Variants in ACADM observed in about 807,000 individuals in gnomAD.
ACADM encodes acyl-CoA dehydrogenase medium chain.
A neutral mutation model predicts 58.9 loss-of-function variants in ACADM; 49 were observed. The observed-to-expected ratio is 0.83, with a 90% CI of 0.66 to 1.06. ACADM has a LOEUF of 1.06. Among genes scored for constraint, ACADM ranks in the 50% least tolerant of loss-of-function variants. The pLI, the probability that ACADM is intolerant of heterozygous loss-of-function variation, is 0.00. For synonymous variants in ACADM, 160 were observed against 157.7 expected, an observed-to-expected ratio of 1.01 and a Z score of -0.11; for missense variants, 496 against 507.0, an observed-to-expected ratio of 0.98 and a Z score of 0.21.
At chr1:75,758,362 C>T (rs912945371) in intron 10 of ACADM, among the ~76,000 whole-genome samples, 82 of 152,160 alleles carry the variant, frequency 5.4e-4, no homozygotes, top group African/African-American at 1.8e-3. Flanking sequence ...TGAGCCACCA[C>T]GCCCAGCCAG....
chr1:75,742,193 A>G (rs1320490941), intron 7 of ACADM, among the ~76,000 whole-genome samples: 2 of 150,654 alleles, frequency 1.3e-5, no homozygotes, highest in Non-Finnish European at 3.0e-5. Context: ...TCAAGATACA[A>G]AAAGGCACTC....
chr1:75,739,454 C>T (rs1308512729), intron 6 of ACADM, among the ~76,000 whole-genome samples: 5 of 152,144 alleles, frequency 3.3e-5, no homozygotes, highest in African/African-American at 4.8e-5. Flanking sequence ...AACATTTTCA[C>T]TTTTTATTAA....
At position 75,761,189 on chromosome 1, in the gene ACADM, A is replaced by G; in HGVS notation, c.1013A>G (p.Gln338Arg). The G allele has an allele frequency of 1.2e-6, 2 of 1,614,180 alleles. No homozygotes were observed. Among genetic ancestry groups the G allele is most frequent in the Non-Finnish European group, 8.5e-7 (1 of 1,179,988 alleles). Reference protein sequence around the residue: ...MKVELARMSYQRAAWEVDSGR... With the variant: ...MKVELARMSYRRAAWEVDSGR... ...GTTGAACTAGCTAGAATGAGTTACC[A>G]GAGAGCAGCTTGGGAGGTTGATTCT... The change falls in exon 11 of 12, where the codon CAG becomes CGG. Residue 338 changes from glutamine to arginine, a missense_variant. Gln to Arg is a conservative substitution (Grantham distance 43). Transcript: ENST00000370841.
intron 7 of ACADM, among the ~76,000 whole-genome samples, chr1:75,743,044 A>C (rs554088451): frequency 6.6e-6 from 1 of 152,306 alleles, no homozygotes; most frequent in East Asian, 1.9e-4. Context: ...ACAAACTTTC[A>C]AAAGATAGGA....
intron 10 of ACADM, among the ~76,000 whole-genome samples, chr1:75,751,639 C>A (rs1187073890): frequency 6.6e-6 from 1 of 151,818 alleles, no homozygotes; most frequent in Non-Finnish European, 1.5e-5. Context: ...GCTGGGACTA[C>A]AGGCACACAC....
At chr1:75,759,656 CTTTTTTT>C (rs34394777) in intron 10 of ACADM, among the ~76,000 whole-genome samples, 2 of 87,582 alleles carry the variant, frequency 2.3e-5, no homozygotes, top group African/African-American at 8.4e-5. Flanking sequence ...TAGCAACTTT[CTTTTTTT>C]TTTTTTTTTT....
intron 10 of ACADM, chr1:75,750,854 T>G: frequency 2.5e-6 from 1 of 401,012 alleles, no homozygotes; most frequent in Non-Finnish European, 4.7e-6. Context: ...GTTCGAGTAA[T>G]TCTCCTGCCT....
rs147507043 is a variant in ACADM at position 75,745,715 on chromosome 1, A to G, written c.600-91A>G. On this transcript the variant is annotated intron_variant, in intron 7 of 11. Coordinates refer to ENST00000370841, the MANE Select transcript of ACADM (RefSeq NM_000016.6). Reference sequence around the variant, plus strand: ...CATTTGTAAAATGTAGGTAATAATAATTGGGATTGTTAAGAGAATTAACTG... The same window carrying G: ...CATTTGTAAAATGTAGGTAATAATAGTTGGGATTGTTAAGAGAATTAACTG... 228 of 989,454 alleles carry G rather than the reference A, an allele frequency of 2.3e-4. 2 individuals are homozygous for G. In the East Asian group the frequency reaches 3.4e-3, roughly 15 times the overall value. The allele number at this position is 989,454 out of a possible 1,614,324, so 61.3% of individuals were successfully genotyped here. A position where few individuals can be genotyped will look rare whatever the true frequency, so the allele number is the denominator to read the frequency against.
chr1:75,729,608 C>T (rs1016640778), intron 2 of ACADM, among the ~76,000 whole-genome samples: 3 of 151,764 alleles, frequency 2.0e-5, no homozygotes, highest in African/African-American at 7.3e-5. Context: ...ATTCTCCTGC[C>T]CCAGCCTCCT....
intron 10 of ACADM, chr1:75,750,767 G>A: frequency 2.0e-6 from 1 of 498,600 alleles, no homozygotes. Flanking sequence ...TTTTTTTTTT[G>A]AGATGGAGTC....
In ACADM at chr1:75,762,735, G is replaced by A. The variant is rs1337929727; in HGVS notation, c.1238G>A (p.Arg413His). 17 of 1,606,524 alleles carry A rather than the reference G, an allele frequency of 1.1e-5. No individual in the cohort carries two copies. Among genetic ancestry groups the A allele is most frequent in the Admixed American group, 6.7e-5 (4 of 59,912 alleles). Residue 413 changes from arginine to histidine, a missense_variant, in exon 12 of 12, where the codon CGT becomes CAT. Coordinates refer to ENST00000370841, the MANE Select transcript of ACADM (RefSeq NM_000016.6). ...CAAATTCAAAGACTTATTGTAGCCC[G>A]TGAACACATTGACAAGTACAAAAAT... ...TSQIQRLIVA[R>H]EHIDKYKN
intron 10 of ACADM, chr1:75,750,875 A>C: frequency 2.6e-6 from 1 of 383,014 alleles, no homozygotes. Flanking sequence ...CAGCCTCCCA[A>C]GTAGTGGGAA....
intron 10 of ACADM, among the ~76,000 whole-genome samples, chr1:75,760,650 C>A (rs571002112): frequency 7.0e-6 from 1 of 142,468 alleles, no homozygotes; most frequent in South Asian, 2.3e-4. Context: ...AGTGCAAAGA[C>A]GTAAAAGATA....
chr1:75,724,987 G>A (rs1647026354), intron 1 of ACADM, among the ~76,000 whole-genome samples, 170 bp downstream of exon 1: 1 of 152,148 alleles, frequency 6.6e-6, no homozygotes. Context: ...CCACCGGACG[G>A]AACGTAGCCT....
intron 10 of ACADM, among the ~76,000 whole-genome samples, chr1:75,757,130 T>C (rs926632783): frequency 3.9e-5 from 6 of 152,196 alleles, no homozygotes; most frequent in Non-Finnish European, 7.3e-5. Flanking sequence ...GGCAGTACCA[T>C]TCAGGACATA....
rs576247162 is a variant in ACADM at position 75,742,102 on chromosome 1, A to G, written c.599+1992A>G. Among the ~76,000 whole-genome samples the G allele has an allele frequency of 2.6e-5, 4 of 152,280 alleles. No homozygotes were observed. The East Asian group carries it at 5.8e-4, about 22-fold the overall frequency. On this transcript the variant is annotated intron_variant, in intron 7 of 11. Coordinates refer to ENST00000370841, the MANE Select transcript of ACADM (RefSeq NM_000016.6). ...TAGTTACAAGTTCTGAATAGTGAAGACAGAGTAGTAGATGCTGCAGGCACT... is the reference window on the plus strand; with the variant it reads ...TAGTTACAAGTTCTGAATAGTGAAGGCAGAGTAGTAGATGCTGCAGGCACT...
At chr1:75,758,477 C>G (rs1230583422) in intron 10 of ACADM, among the ~76,000 whole-genome samples, 1 of 152,176 alleles carries the variant, frequency 6.6e-6, no homozygotes, top group Non-Finnish European at 1.5e-5. Flanking sequence ...CCTGTAGGAA[C>G]CTCTGGAAGC....
intron 9 of ACADM, among the ~76,000 whole-genome samples, 171 bp downstream of exon 9, chr1:75,749,730 T>C (rs1003218658): frequency 1.4e-5 from 2 of 147,440 alleles, no homozygotes; most frequent in African/African-American, 5.1e-5. Flanking sequence ...TTTTTTTTTT[T>C]TGAGACAGAG....
chr1:75,750,641 C>T, intron 10 of ACADM, 95 bp downstream of exon 10: 1 of 855,612 alleles, frequency 1.2e-6, no homozygotes, highest in Non-Finnish European at 1.9e-6. Flanking sequence ...TAATCAATTT[C>T]TACTTTGATA....
Sources: gnomAD v4.1 joint callset for allele counts (sites outside exome capture counted in the v4.1 genomes callset) on GRCh38, gnomAD v4.1.1 for gene constraint, MANE v1.5 for transcripts, NCBI Gene and HGNC (gene_info 2026-07-23, HGNC 2026-07-21) for gene names.